Variants in PTPN14 observed in about 807,000 individuals in gnomAD.
PTPN14 encodes protein tyrosine phosphatase non-receptor type 14.
PTPN14 carries 53 observed loss-of-function variants against 126.8 expected under a neutral mutation model. The ratio of observed to expected loss-of-function variants is 0.42; its 90% CI spans 0.34 to 0.53. The LOEUF (loss-of-function observed/expected upper bound fraction) is 0.53. Among genes scored for constraint, PTPN14 ranks in the 20% least tolerant of loss-of-function variants. PTPN14 has a pLI of 0.08. For synonymous variants in PTPN14, 630 were observed against 599.3 expected (o/e 1.05, Z -0.75); for missense variants, 1,257 against 1,552.9 (o/e 0.81, Z 3.20).
intron 8 of PTPN14, 53 bp downstream of exon 8, chr1:214,397,860 T>C: frequency 7.0e-7 from 1 of 1,423,736 alleles, no homozygotes; most frequent in Non-Finnish European, 9.8e-7. Flanking sequence ...AACATTAACA[T>C]TACAGTTCCT....
chr1:214,546,899 T>C (rs962171080), intron 1 of PTPN14, among the ~76,000 whole-genome samples: 4 of 151,844 alleles, frequency 2.6e-5, no homozygotes, highest in Non-Finnish European at 5.9e-5. Flanking sequence ...ATTGCAAGGA[T>C]CCTGAAGAAA....
intron 1 of PTPN14, among the ~76,000 whole-genome samples, chr1:214,522,739 G>A (rs894987386): frequency 3.3e-5 from 5 of 152,154 alleles, no homozygotes; most frequent in African/African-American, 7.2e-5. Flanking sequence ...CCACCAGAGG[G>A]CAAAAGTAAA....
At chr1:214,465,285 G>GT (rs1413496679) in intron 1 of PTPN14, among the ~76,000 whole-genome samples, 1 of 152,160 alleles carries the variant, frequency 6.6e-6, no homozygotes, top group Non-Finnish European at 1.5e-5. Context: ...GTTCACATGC[G>GT]TTTTTCACTA....
At chr1:214,534,712 C>CTAAATAAATAAATA (rs1553276440) in intron 1 of PTPN14, among the ~76,000 whole-genome samples, 20 of 141,686 alleles carry the variant, frequency 1.4e-4, no homozygotes, top group African/African-American at 5.3e-4. Context: ...GACTCCTTCT[C>CTAAATAAATAAATA]AATAAATAAA....
intron 3 of PTPN14, among the ~76,000 whole-genome samples, chr1:214,419,498 C>G (rs1456168900): frequency 4.6e-5 from 7 of 152,094 alleles, no homozygotes; most frequent in African/African-American, 7.2e-5. Flanking sequence ...TTATGAAGAG[C>G]AGGGTAAGAC....
intron 1 of PTPN14, among the ~76,000 whole-genome samples, chr1:214,515,153 G>T (rs1177332785): frequency 6.6e-6 from 1 of 152,122 alleles, no homozygotes; most frequent in Non-Finnish European, 1.5e-5. Flanking sequence ...AATCAGGAGA[G>T]AAATCCCTCC....
intron 3 of PTPN14, among the ~76,000 whole-genome samples, chr1:214,449,011 C>CTTTTTTTTCTTTTTTTTTTTTTT (rs1553267717): frequency 8.9e-6 from 1 of 112,440 alleles, no homozygotes; most frequent in African/African-American, 3.6e-5. Context: ...CTTAATTTTT[C>CTTTTTTTTCTTTTTTTTTTTTTT]TTTTTTTTTT....
chr1:214,428,153 A>C (rs906621326), intron 3 of PTPN14, among the ~76,000 whole-genome samples: 4 of 152,236 alleles, frequency 2.6e-5, no homozygotes, highest in Non-Finnish European at 4.4e-5. Context: ...CGGAAATGCC[A>C]GTCAGAAAAA....
At position 214,523,669 on chromosome 1, in the gene PTPN14, C is replaced by T. The variant is rs149195983; in HGVS notation, c.-155+27514G>A. ...CAACTAGGGGCCCTGAGTGCAGTTT[C>T]AGTGACCCCACTTCCGGAGGTATCT... On this transcript the variant is annotated intron_variant, in intron 1 of 18. Coordinates refer to ENST00000366956, the MANE Select transcript of PTPN14 (RefSeq NM_005401.5). Among the ~76,000 whole-genome samples, 686 of 152,264 alleles carry T rather than the reference C, an allele frequency of 4.5e-3. 9 individuals carry two copies. Among genetic ancestry groups the T allele is most frequent in the Non-Finnish European group, 6.1e-3 (412 of 68,018 alleles).
chr1:214,449,471 A>G lies in PTPN14; in HGVS notation c.344+2334T>C, dbSNP rs367765988. The stretch of plus-strand genomic sequence containing the variant: ...TTTCTTACAGACAGAACTTTTTTCA[A>G]TATACACTAATTTCTAGTCCATGTT... On this transcript the variant is annotated intron_variant, in intron 3 of 18. Transcript: ENST00000366956. Among the ~76,000 whole-genome samples the G allele has an allele frequency of 6.8e-4, 103 of 152,264 alleles. 1 individual carries two copies. The highest frequency in any genetic ancestry group is 2.3e-3 in the African/African-American group (97 of 41,556).
At chr1:214,423,489 T>C (rs919464163) in intron 3 of PTPN14, among the ~76,000 whole-genome samples, 24 of 152,168 alleles carry the variant, frequency 1.6e-4, no homozygotes, top group Non-Finnish European at 2.6e-4. Context: ...GAGCCCACTT[T>C]CCAAGTTTTG....
At chr1:214,387,674 C>CAAA (rs67415818) in intron 11 of PTPN14, among the ~76,000 whole-genome samples, 3 of 85,354 alleles carry the variant, frequency 3.5e-5, no homozygotes, top group East Asian at 2.6e-4. Context: ...AAGACTCCGT[C>CAAA]AAAAAAAAAA....
intron 8 of PTPN14, among the ~76,000 whole-genome samples, chr1:214,396,092 T>C (rs556034435): frequency 6.6e-6 from 1 of 152,196 alleles, no homozygotes; most frequent in South Asian, 2.1e-4. Flanking sequence ...CTGAATCGAG[T>C]ACCTGGCCCA....
chr1:214,415,490 C>T (rs186507656), intron 3 of PTPN14, among the ~76,000 whole-genome samples: 31 of 152,336 alleles, frequency 2.0e-4, no homozygotes, highest in Non-Finnish European at 2.5e-4. Flanking sequence ...ATAGTCACAA[C>T]GACAACAATC....
chr1:214,462,334 T>G (rs1474472537), intron 2 of PTPN14, among the ~76,000 whole-genome samples: 1 of 152,164 alleles, frequency 6.6e-6, no homozygotes, highest in Non-Finnish European at 1.5e-5. Flanking sequence ...AATAGTCTGT[T>G]GAAAGCCATT....
chr1:214,550,627 C>G (rs980064919), intron 1 of PTPN14, among the ~76,000 whole-genome samples: 1 of 152,190 alleles, frequency 6.6e-6, no homozygotes, highest in Non-Finnish European at 1.5e-5. Flanking sequence ...TTTTTTTCTA[C>G]GAGCCAGCTC....
intron 14 of PTPN14, among the ~76,000 whole-genome samples, chr1:214,376,829 ACT>A (rs1320903575): frequency 1.3e-5 from 2 of 152,012 alleles, no homozygotes. Flanking sequence ...GGATTAAATC[ACT>A]CTCTTTTTTC....
rs1657847524 is a variant in PTPN14, at chr1:214,357,361, G to A, written c.*561C>T. Reference sequence around the variant, plus strand: ...GGATGAGGGGTGGAAATGAAGACGAGAGGAAACTGTCTATCAAGGCTCATG... The same window carrying A: ...GGATGAGGGGTGGAAATGAAGACGAAAGGAAACTGTCTATCAAGGCTCATG... On this transcript the variant is annotated 3_prime_UTR_variant, in exon 19 of 19. Transcript: ENST00000366956. The A allele has an allele frequency of 6.6e-6, 1 of 152,166 alleles. No homozygotes were observed. Among genetic ancestry groups the A allele is most frequent in the Non-Finnish European group, 1.5e-5 (1 of 68,058 alleles). The allele number at this position is 152,166 out of a possible 1,614,324, so 9.4% of individuals were successfully genotyped here. A position where few individuals can be genotyped will look rare whatever the true frequency, so the allele number is the denominator to read the frequency against.
In PTPN14 at chr1:214,408,240, G is replaced by T. The variant is rs572132962; in HGVS notation, c.510+3444C>A. Among the ~76,000 whole-genome samples, 65 of 152,336 alleles carry T rather than the reference G, an allele frequency of 4.3e-4. 1 individual carries two copies. The highest frequency in any genetic ancestry group is 1.5e-3 in the African/African-American group (64 of 41,570). On this transcript the variant is annotated intron_variant, in intron 5 of 18. Transcript: ENST00000366956. Reference sequence around the variant, plus strand: ...TCTTATATAATTTCATCCCCTGGGTGTTAGTCCCCCAGGTCAGTGCTTGGG... The same window carrying T: ...TCTTATATAATTTCATCCCCTGGGTTTTAGTCCCCCAGGTCAGTGCTTGGG...
Sources: gnomAD v4.1 joint callset for allele counts (sites outside exome capture counted in the v4.1 genomes callset) on GRCh38, gnomAD v4.1.1 for gene constraint, MANE v1.5 for transcripts, NCBI Gene and HGNC (gene_info 2026-07-23, HGNC 2026-07-21) for gene names.